RBFOX1: variants seen among roughly 807,000 people sequenced by gnomAD.
The protein encoded by RBFOX1 is RNA binding fox-1 homolog 1.
A neutral mutation model predicts 57.7 loss-of-function variants in RBFOX1; 8 were observed. The ratio of observed to expected loss-of-function variants is 0.14; its 90% confidence interval spans 0.08 to 0.25. RBFOX1 has a LOEUF of 0.25. RBFOX1 is among the 10% of genes least tolerant of loss of function. The pLI, the probability that RBFOX1 is intolerant of heterozygous loss-of-function variation, is 1.00. For missense variants in RBFOX1, 611 were observed against 548.5 expected (o/e 1.11, Z -1.14); for synonymous variants, 326 against 222.4 (o/e 1.47, Z -4.15).
intron 3 of RBFOX1, among the ~76,000 whole-genome samples, chr16:5,707,256 A>G (rs530524047): frequency 1.4e-4 from 21 of 152,330 alleles, no homozygotes; most frequent in Admixed American, 3.3e-4. Context: ...AATGTGTGCA[A>G]TTGGAATCTC....
chr16:6,981,323 T>G (rs1179419143), intron 3 of RBFOX1, among the ~76,000 whole-genome samples: 1 of 152,108 alleles, frequency 6.6e-6, no homozygotes, highest in Admixed American at 6.5e-5. Context: ...TGTGTCCATG[T>G]GTTCTCATTA....
chr16:5,772,719 A>G (rs1222021952), intron 3 of RBFOX1, among the ~76,000 whole-genome samples: 6 of 152,306 alleles, frequency 3.9e-5, no homozygotes, highest in Non-Finnish European at 5.9e-5. Context: ...TGAGAGGAAC[A>G]GATCTGATTG....
intron 1 of RBFOX1, among the ~76,000 whole-genome samples, chr16:6,207,679 CATTTT>C (rs1178026027): frequency 6.6e-6 from 1 of 151,794 alleles, no homozygotes. Flanking sequence ...TGACAGTAGA[CATTTT>C]ATTTTATTTT....
chr16:6,024,069 A>G lies in RBFOX1; in HGVS notation c.-127+4077A>G, dbSNP rs535114168. 7.2e-5 allele frequency among the ~76,000 whole-genome samples: 11 copies of G among 152,252 alleles called. No individual in the cohort carries two copies. The South Asian group carries it at 1.7e-3, about 23-fold the overall frequency. ...ACAGGCAACTGTCCTCATTTTTTGA[A>G]TCTGTAGTCATTGTGAGCACTGTCA... On this transcript the variant is annotated intron_variant, in intron 1 of 15. Coordinates refer to ENST00000550418, the MANE Select transcript of RBFOX1 (RefSeq NM_018723.4).
At chr16:6,853,521 C>G (rs977643621) in intron 3 of RBFOX1, among the ~76,000 whole-genome samples, 3 of 152,032 alleles carry the variant, frequency 2.0e-5, no homozygotes, top group Non-Finnish European at 4.4e-5. Flanking sequence ...GCTTGGGACT[C>G]TGACAGTGGT....
chr16:5,279,844 T>G (rs1264578000), intron 1 of RBFOX1, among the ~76,000 whole-genome samples: 1 of 152,098 alleles, frequency 6.6e-6, no homozygotes, highest in Non-Finnish European at 1.5e-5. Flanking sequence ...AGTCTTTGGG[T>G]TTTTCTGTTT....
At position 7,291,103 on chromosome 16, in the gene RBFOX1, A is replaced by G. The variant is rs142219653; in HGVS notation, c.28-227044A>G. On this transcript the variant is annotated intron_variant, in intron 4 of 15. Transcript: ENST00000550418. ...GATGTTTTAACATGCACTGGGCATA[A>G]GTGATTATAGCCCTAGGTTCAAGGT... is the stretch of plus-strand genomic sequence containing the variant. Among the ~76,000 whole-genome samples the G allele has an allele frequency of 3.1e-3, 477 of 152,328 alleles. 2 individuals carry two copies. The highest frequency in any genetic ancestry group is 0.012 in the South Asian group (57 of 4,824).
At chr16:6,661,714 C>A (rs1364123318) in intron 3 of RBFOX1, among the ~76,000 whole-genome samples, 6 of 152,138 alleles carry the variant, frequency 3.9e-5, no homozygotes, top group Admixed American at 3.3e-4. Context: ...TCAGCCAGGA[C>A]CCTGAGAAAT....
chr16:6,793,050 C>T (rs1377252797), intron 3 of RBFOX1, among the ~76,000 whole-genome samples: 5 of 150,372 alleles, frequency 3.3e-5, no homozygotes, highest in South Asian at 2.1e-4. Context: ...AAAATAGAAG[C>T]GATAATGCTG....
intron 2 of RBFOX1, among the ~76,000 whole-genome samples, chr16:6,537,535 G>GTGGAGTTTGAA (rs1438810109): frequency 1.3e-5 from 2 of 152,164 alleles, no homozygotes; most frequent in African/African-American, 2.4e-5. Flanking sequence ...GAGTTGCTGA[G>GTGGAGTTTGAA]CTAACACTCA....
intron 1 of RBFOX1, among the ~76,000 whole-genome samples, chr16:6,259,945 A>G (rs1261515948): frequency 6.8e-6 from 1 of 147,626 alleles, no homozygotes; most frequent in Non-Finnish European, 1.5e-5. Context: ...TTGGTGACAG[A>G]GTGAGACTGT....
intron 3 of RBFOX1, among the ~76,000 whole-genome samples, chr16:6,800,113 G>A (rs1301361678): frequency 6.6e-6 from 1 of 152,152 alleles, no homozygotes; most frequent in Non-Finnish European, 1.5e-5. Flanking sequence ...GTCTTATGCA[G>A]ATGTATTATC....
intron 3 of RBFOX1, among the ~76,000 whole-genome samples, chr16:5,866,494 G>C (rs771816146): frequency 9.2e-5 from 14 of 152,190 alleles, no homozygotes; most frequent in Non-Finnish European, 1.9e-4. Context: ...TTGTAAGATA[G>C]AAAGCTTCTT....
At chr16:7,431,107 AACTG>A (rs2098675306) in intron 4 of RBFOX1, 1 of 152,074 alleles carries the variant, frequency 6.6e-6, no homozygotes, top group Non-Finnish European at 1.5e-5. Flanking sequence ...CTCAAACCCA[AACTG>A]ACTAATTATC....
intron 4 of RBFOX1, among the ~76,000 whole-genome samples, chr16:5,994,711 A>G (rs2060462636): frequency 1.3e-5 from 2 of 152,188 alleles, no homozygotes; most frequent in Admixed American, 1.3e-4. Flanking sequence ...ACTTTATTTG[A>G]GAAATCAGGT....
chr16:6,764,487 A>G (rs2077053429), intron 3 of RBFOX1, among the ~76,000 whole-genome samples: 2 of 152,290 alleles, frequency 1.3e-5, no homozygotes, highest in Admixed American at 1.3e-4. Flanking sequence ...CTGTCCATTC[A>G]TTCATCCCAC....
chr16:5,614,211 C>G (rs554834535), intron 3 of RBFOX1, among the ~76,000 whole-genome samples: 2 of 152,002 alleles, frequency 1.3e-5, no homozygotes, highest in Admixed American at 1.3e-4. Context: ...CATTTTTTTT[C>G]CCTCTACAAC....
At chr16:5,514,447 C>A (rs2043716715) in intron 2 of RBFOX1, among the ~76,000 whole-genome samples, 3 of 152,146 alleles carry the variant, frequency 2.0e-5, no homozygotes, top group Admixed American at 2.0e-4. Flanking sequence ...CCTGGACAAA[C>A]CTCATCATAA....
intron 1 of RBFOX1, among the ~76,000 whole-genome samples, chr16:6,094,010 C>T (rs1020146801): frequency 1.3e-5 from 2 of 152,150 alleles, no homozygotes; most frequent in African/African-American, 4.8e-5. Context: ...TTTAGGTAAT[C>T]TGTGTTCTGT....
Sources: gnomAD v4.1 joint callset for allele counts (sites outside exome capture counted in the v4.1 genomes callset) on GRCh38, gnomAD v4.1.1 for gene constraint, MANE v1.5 for transcripts, NCBI Gene and HGNC (gene_info 2026-07-23, HGNC 2026-07-21) for gene names.